GDAP1: variants seen among roughly 807,000 people sequenced by gnomAD.
The protein encoded by GDAP1 is ganglioside-induced differentiation-associated protein 1.
In GDAP1, 34 loss-of-function variants were observed where a neutral mutation model predicts 40.1. The ratio of observed to expected loss-of-function variants is 0.85; its 90% CI spans 0.64 to 1.13. The LOEUF is 1.13. GDAP1 is among the 50% of genes most tolerant of loss of function. The probability of loss-of-function intolerance (pLI) is 0.00; values close to 1 mark genes in which losing one functional copy is unlikely to be tolerated. For synonymous variants in GDAP1, 170 were observed against 157.4 expected, an observed-to-expected ratio of 1.08 and a Z score of -0.60; for missense variants, 374 against 433.7, an observed-to-expected ratio of 0.86 and a Z score of 1.22.
rs766828605 is a variant in GDAP1 at position 74,365,064 on chromosome 8, A to C, written c.*697A>C. 2.2e-6 allele frequency: 1 copy of C among 453,996 alleles called. No homozygotes were observed. Among genetic ancestry groups the C allele is most frequent in the Non-Finnish European group, 4.4e-6 (1 of 226,722 alleles). 28.1% of individuals were successfully genotyped at this position (453,996 alleles called of 1,614,324 possible). A position where few individuals can be genotyped will look rare whatever the true frequency, so the allele number is the denominator to read the frequency against. ...TGAGATACCATTCCTCTGGATGGTCATGTCCAGTCAGTGGGAGGTAGAAAG... is the reference window on the plus strand; with the variant it reads ...TGAGATACCATTCCTCTGGATGGTCCTGTCCAGTCAGTGGGAGGTAGAAAG... On this transcript the variant is annotated 3_prime_UTR_variant, in exon 6 of 6. Coordinates refer to ENST00000220822, the MANE Select transcript of GDAP1 (RefSeq NM_018972.4).
intron 2 of GDAP1, among the ~76,000 whole-genome samples, chr8:74,416,539 A>T (rs1485849596): frequency 2.0e-5 from 3 of 150,190 alleles, no homozygotes; most frequent in Admixed American, 2.0e-4. Flanking sequence ...CTAGTTCGTT[A>T]CTACTACAAC....
Position 74,364,429 on chromosome 8 carries a change from G to T in GDAP1, c.*62G>T. ...ATTTAGCTAGACCCTGTGATTGCCCGTGGCTCTCTGAGTCTGTCTTATTGA... is the reference window on the plus strand; with the variant it reads ...ATTTAGCTAGACCCTGTGATTGCCCTTGGCTCTCTGAGTCTGTCTTATTGA... On this transcript the variant is annotated 3_prime_UTR_variant, in exon 6 of 6. Coordinates refer to ENST00000220822, the MANE Select transcript of GDAP1 (RefSeq NM_018972.4). The T allele has an allele frequency of 5.3e-6, 8 of 1,515,622 alleles. No homozygotes were observed. In the South Asian group the frequency reaches 5.6e-5, roughly 11 times the overall value. The allele number at this position is 1,515,622 out of a possible 1,614,324, so 93.9% of individuals were successfully genotyped here.
rs1210164322 is a variant in GDAP1, at chr8:74,454,589, G to C, written c.166-34089G>C. On this transcript the variant is annotated intron_variant, in intron 2 of 2. Coordinates refer to the GDAP1 transcript ENST00000523640. ...GCTGCTAGATACATTCACAAGGATG[G>C]TGTTCTTCCAAATAAACTCAAGGGT... Among the ~76,000 whole-genome samples the C allele has an allele frequency of 7.2e-5, 6 of 83,414 alleles. 2 individuals are homozygous for C. Among genetic ancestry groups the C allele is most frequent in the African/African-American group, 3.1e-4 (6 of 19,198 alleles). The allele number at this position is 83,414 out of a possible 152,430, so 54.7% of individuals were successfully genotyped here. A position where few individuals can be genotyped will look rare whatever the true frequency, so the allele number is the denominator to read the frequency against.
chr8:74,397,686 G>C (rs1810233090), intron 2 of GDAP1, among the ~76,000 whole-genome samples: 1 of 151,940 alleles, frequency 6.6e-6, no homozygotes, highest in Non-Finnish European at 1.5e-5. Flanking sequence ...CATTATTTCT[G>C]AGGGCTCTGT....
At chr8:74,441,496 G>A (rs964685985) in intron 2 of GDAP1, among the ~76,000 whole-genome samples, 5 of 152,082 alleles carry the variant, frequency 3.3e-5, no homozygotes, top group Non-Finnish European at 7.4e-5. Flanking sequence ...GAATAAAAAG[G>A]CTATTTGAAT....
intron 2 of GDAP1, among the ~76,000 whole-genome samples, chr8:74,421,353 G>A (rs1805855671): frequency 6.6e-6 from 1 of 151,384 alleles, no homozygotes; most frequent in Non-Finnish European, 1.5e-5. Context: ...TTTATTACAT[G>A]TGCTTTTTTT....
chr8:74,419,690 T>C (rs1379774823), intron 2 of GDAP1, among the ~76,000 whole-genome samples: 1 of 152,188 alleles, frequency 6.6e-6, no homozygotes, highest in Non-Finnish European at 1.5e-5. Context: ...ATTTTTTCTT[T>C]TCTTGCTCAT....
chr8:74,400,301 G>A lies in GDAP1; in HGVS notation c.165+48980G>A, dbSNP rs991266756. The stretch of plus-strand genomic sequence containing the variant: ...GTTGAATTGATCCCTTTACCGTTAT[G>A]TAATGGCCTTCTTTGTCTCTTTCGA... On this transcript the variant is annotated intron_variant, in intron 2 of 2. Transcript: ENST00000523640. Among the ~76,000 whole-genome samples the A allele has an allele frequency of 6.0e-5, 9 of 149,970 alleles. 1 individual carries two copies. The highest frequency in any genetic ancestry group is 7.6e-5 in the African/African-American group (3 of 39,300).
intron 2 of GDAP1, among the ~76,000 whole-genome samples, chr8:74,444,253 T>G (rs7000355): frequency 0.41 from 59,906 of 146,014 alleles, 12,653 homozygotes; most frequent in Non-Finnish European, 0.46. Context: ...CACACACACT[T>G]CCCTTTTCCC....
At chr8:74,371,426 C>A (rs1039960980), downstream of GDAP1, among the ~76,000 whole-genome samples, 1 of 151,972 alleles carries the variant, frequency 6.6e-6, no homozygotes, top group Non-Finnish European at 1.5e-5. Context: ...TTTGGGAGGC[C>A]GAGGCGGGCG....
intron 2 of GDAP1, among the ~76,000 whole-genome samples, chr8:74,427,395 T>G (rs926909943): frequency 2.0e-5 from 3 of 152,216 alleles, no homozygotes; most frequent in African/African-American, 4.8e-5. Context: ...TGCCAATTTT[T>G]GGGATAGTTT....
At chr8:74,383,096 C>T (rs910045936) in intron 2 of GDAP1, among the ~76,000 whole-genome samples, 1 of 152,182 alleles carries the variant, frequency 6.6e-6, no homozygotes, top group Non-Finnish European at 1.5e-5. Flanking sequence ...CAAGGTATAA[C>T]ACTCAAGTTA....
intron 2 of GDAP1, among the ~76,000 whole-genome samples, chr8:74,426,356 A>C (rs1458176653): frequency 6.6e-6 from 1 of 152,330 alleles, no homozygotes; most frequent in South Asian, 2.1e-4. Context: ...ATCAAACAAG[A>C]AGGTTGAGTA....
At chr8:74,374,522 A>G (rs1174486749) in intron 2 of GDAP1, among the ~76,000 whole-genome samples, 2 of 152,216 alleles carry the variant, frequency 1.3e-5, no homozygotes, top group Non-Finnish European at 2.9e-5. Flanking sequence ...TCAATGCAGC[A>G]ACCTATGATA....
At chr8:74,388,760 C>T (rs1810062917) in intron 2 of GDAP1, among the ~76,000 whole-genome samples, 1 of 152,122 alleles carries the variant, frequency 6.6e-6, no homozygotes, top group African/African-American at 2.4e-5. Context: ...GTTGATCTGT[C>T]TAATATCGAC....
At chr8:74,480,234 G>A (rs1461891101) in intron 2 of GDAP1, among the ~76,000 whole-genome samples, 16 of 151,886 alleles carry the variant, frequency 1.1e-4, no homozygotes, top group African/African-American at 4.8e-5. Flanking sequence ...AAGATCACCC[G>A]CCTCGGCCTC....
intron 2 of GDAP1, among the ~76,000 whole-genome samples, chr8:74,382,838 G>T (rs1448097610): frequency 6.6e-6 from 1 of 151,792 alleles, no homozygotes; most frequent in Non-Finnish European, 1.5e-5. Flanking sequence ...GATAATTTTT[G>T]GATTACTAAT....
chr8:74,431,640 C>G lies in GDAP1; in HGVS notation c.166-57038C>G, dbSNP rs1309616996. Among the ~76,000 whole-genome samples, 12 of 152,034 alleles carry G rather than the reference C, an allele frequency of 7.9e-5. No homozygotes were observed. The East Asian group carries it at 1.9e-3, about 24-fold the overall frequency. ...GGGACTACAGGCGCCCGCCACTGCACCCGGCTAATTTTTTGTATTTTTAGT... is the reference window on the plus strand; with the variant it reads ...GGGACTACAGGCGCCCGCCACTGCAGCCGGCTAATTTTTTGTATTTTTAGT... On this transcript the variant is annotated intron_variant, in intron 2 of 2. Transcript: ENST00000523640.
In GDAP1 at chr8:74,366,719, C is replaced by T. The variant is rs1415639668; in HGVS notation, c.*2352C>T. The T allele has an allele frequency of 4.4e-6, 2 of 452,592 alleles. No individual in the cohort carries two copies. The highest frequency in any genetic ancestry group is 2.0e-5 in the African/African-American group (1 of 49,866). The allele number at this position is 452,592 out of a possible 1,614,324, so 28.0% of individuals were successfully genotyped here. On this transcript the variant is annotated 3_prime_UTR_variant, in exon 6 of 6. Transcript: ENST00000220822. ...CTTTTGAATCCATTTTCCATAATTG[C>T]GGATAGTCATAAATTGCTTGCTCAA...
Sources: gnomAD v4.1 joint callset for allele counts (sites outside exome capture counted in the v4.1 genomes callset) on GRCh38, gnomAD v4.1.1 for gene constraint, MANE v1.5 for transcripts, NCBI Gene and HGNC (gene_info 2026-07-23, HGNC 2026-07-21) for gene names.